The following NEMP2 variants were observed in gnomAD, a reference collection of about 807,000 sequenced individuals.
NEMP2 encodes the protein UPF0571 transmembrane protein.
A neutral mutation model predicts 54.2 loss-of-function variants in NEMP2; 53 were observed. That is an observed-to-expected ratio of 0.98 (90% CI 0.78 to 1.23). NEMP2 has a LOEUF of 1.23. Among genes scored for constraint, NEMP2 ranks in the 50% most tolerant of loss-of-function variants. The pLI is 0.00. For synonymous variants in NEMP2, 197 were observed against 190.3 expected (o/e 1.04, Z -0.29); for missense variants, 455 against 511.3 (o/e 0.89, Z 1.06).
chr2:190,589,074 G>T, the NEMP2 span, among the ~76,000 whole-genome samples: 2 of 152,114 alleles, frequency 1.3e-5, no homozygotes, highest in Non-Finnish European at 2.9e-5. This position sits in a 1 kb window ranked among gnomAD's most constrained non-coding sequence, Gnocchi z 4.3. Flanking sequence ...TGCATTGGAA[G>T]CTATCCTGCA....
chr2:190,445,222 A>G, the NEMP2 span, among the ~76,000 whole-genome samples: 3 of 152,148 alleles, frequency 2.0e-5, no homozygotes, highest in Non-Finnish European at 4.4e-5. Context: ...AATTGATGCA[A>G]AGCACTCAGA....
chr2:190,503,034 C>A (rs149260777), downstream of NEMP2, among the ~76,000 whole-genome samples: 135 of 152,314 alleles, frequency 8.9e-4, no homozygotes, highest in African/African-American at 3.2e-3. The surrounding 1 kb of genome is among the most constrained non-coding windows in gnomAD (Gnocchi z 6.3). Flanking sequence ...GCAGAGGAAG[C>A]CATAAAGCAG....
the NEMP2 span, among the ~76,000 whole-genome samples, chr2:190,489,421 CT>C: frequency 6.6e-6 from 1 of 152,306 alleles, no homozygotes; most frequent in Middle Eastern, 3.4e-3. The surrounding 1 kb of genome is among the most constrained non-coding windows in gnomAD (Gnocchi z 6.6). Flanking sequence ...GCTGTTCCAA[CT>C]ACAGATTAAT....
the NEMP2 span, among the ~76,000 whole-genome samples, chr2:190,551,031 ATCT>A: frequency 6.7e-6 from 1 of 149,378 alleles, no homozygotes; most frequent in African/African-American, 2.4e-5. Flanking sequence ...TGGTAATCTA[ATCT>A]TCTTACCCTT....
At chr2:190,439,764 A>G in the NEMP2 span, among the ~76,000 whole-genome samples, 40 of 152,252 alleles carry the variant, frequency 2.6e-4, no homozygotes, top group Non-Finnish European at 4.7e-4. The surrounding 1 kb of genome is among the most constrained non-coding windows in gnomAD (Gnocchi z 5.8). Flanking sequence ...GAATTCCATC[A>G]GTATGTGGTC....
chr2:190,596,381 C>A, the NEMP2 span, among the ~76,000 whole-genome samples: 3 of 152,256 alleles, frequency 2.0e-5, no homozygotes, highest in African/African-American at 4.8e-5. This position sits in a 1 kb window ranked among gnomAD's most constrained non-coding sequence, Gnocchi z 5.1. Context: ...ACATGCATCC[C>A]AGAACTTAAA....
the NEMP2 span, among the ~76,000 whole-genome samples, chr2:190,478,441 T>C: frequency 6.6e-6 from 1 of 152,222 alleles, no homozygotes; most frequent in African/African-American, 2.4e-5. Flanking sequence ...AAACAGTAGA[T>C]TATTCATGTG....
the NEMP2 span, among the ~76,000 whole-genome samples, chr2:190,623,596 GA>G: frequency 2.0e-5 from 3 of 152,148 alleles, no homozygotes; most frequent in East Asian, 5.8e-4. Flanking sequence ...ATGGTGGTGG[GA>G]AAACTGAATA....
chr2:190,477,432 C>CT, the NEMP2 span: 1 of 882,122 alleles, frequency 1.1e-6, no homozygotes, highest in African/African-American at 1.8e-5. Flanking sequence ...ATGCATATAA[C>CT]TTTTTTATCC....
At position 190,509,430 on chromosome 2, in the gene NEMP2, G is replaced by T; in HGVS notation, c.1131-118C>A. 1 of 1,181,312 alleles carries T rather than the reference G, an allele frequency of 8.5e-7. No homozygotes were observed. Among genetic ancestry groups the T allele is most frequent in the Non-Finnish European group, 1.2e-6 (1 of 833,936 alleles). The allele number at this position is 1,181,312 out of a possible 1,614,324, so 73.2% of individuals were successfully genotyped here. A position where few individuals can be genotyped will look rare whatever the true frequency, so the allele number is the denominator to read the frequency against. On this transcript the variant is annotated intron_variant, in intron 8 of 8. Transcript: ENST00000409150. The surrounding 1 kb of genome is among the most constrained non-coding windows in gnomAD (Gnocchi z 6.1). ...TTAAATTTGACTTTGCATCAATACA[G>T]GGTGGCATTTACACAGTGGGTGTAA...
chr2:190,580,428 G>C, the NEMP2 span, among the ~76,000 whole-genome samples: 1 of 152,156 alleles, frequency 6.6e-6, no homozygotes, highest in African/African-American at 2.4e-5. The surrounding 1 kb of genome is among the most constrained non-coding windows in gnomAD (Gnocchi z 5.3). Context: ...GGACTTCTTG[G>C]AAATTCCAGG....
chr2:190,549,571 C>G, the NEMP2 span, among the ~76,000 whole-genome samples: 1 of 152,096 alleles, frequency 6.6e-6, no homozygotes, highest in African/African-American at 2.4e-5. Context: ...ATAATATTAT[C>G]ATGAACTCAT....
Position 190,519,048 on chromosome 2 carries a change from T to C in NEMP2, c.349A>G (p.Ile117Val). The C allele has an allele frequency of 6.4e-7, 1 of 1,551,360 alleles. No individual in the cohort carries two copies. ...NFWIPKESNE[I>V]TIIINPYRET... is the part of the protein sequence containing the mutation. Reference sequence around the variant, plus strand: ...CTGTATGGATTGATGATTATGGTTATTTCGTTAGATTCCTTTGGTATCCAA... The same window carrying C: ...CTGTATGGATTGATGATTATGGTTACTTCGTTAGATTCCTTTGGTATCCAA... The change falls in exon 3 of 9, where the codon ATA becomes GTA. Residue 117 changes from isoleucine to valine, a missense_variant. Ile to Val is a conservative substitution (Grantham distance 29). Transcript: ENST00000409150. This position sits in a 1 kb window ranked among gnomAD's most constrained non-coding sequence, Gnocchi z 5.4.
At position 190,509,615 on chromosome 2, in the gene NEMP2, T is replaced by C. The variant is rs926830374; in HGVS notation, c.1131-303A>G. ...TTTATTAGTTTGAATTTATTATTATTCATTATTTTGTTTCAAATACTTCCC... is the reference window on the plus strand; with the variant it reads ...TTTATTAGTTTGAATTTATTATTATCCATTATTTTGTTTCAAATACTTCCC... On this transcript the variant is annotated intron_variant, in intron 8 of 8. Transcript: ENST00000409150. This position sits in a 1 kb window ranked among gnomAD's most constrained non-coding sequence, Gnocchi z 6.1. Among the ~76,000 whole-genome samples the C allele has an allele frequency of 2.0e-5, 3 of 152,262 alleles. No homozygotes were observed. Among genetic ancestry groups the C allele is most frequent in the African/African-American group, 7.2e-5 (3 of 41,464 alleles).
chr2:190,593,352 G>C, the NEMP2 span, among the ~76,000 whole-genome samples: 1 of 152,194 alleles, frequency 6.6e-6, no homozygotes, highest in African/African-American at 2.4e-5. This position sits in a 1 kb window ranked among gnomAD's most constrained non-coding sequence, Gnocchi z 4.5. Flanking sequence ...GTGAGCAATG[G>C]AGGCCAGCCA....
the NEMP2 span, among the ~76,000 whole-genome samples, chr2:190,573,562 T>TGGTACTA: frequency 6.6e-6 from 1 of 152,182 alleles, no homozygotes; most frequent in Admixed American, 6.5e-5. Flanking sequence ...TCTTTAAACC[T>TGGTACTA]GAGTCCTAGA....
At chr2:190,467,554 A>G in the NEMP2 span, among the ~76,000 whole-genome samples, 1 of 152,278 alleles carries the variant, frequency 6.6e-6, no homozygotes, top group East Asian at 1.9e-4. The surrounding 1 kb of genome is among the most constrained non-coding windows in gnomAD (Gnocchi z 5.5). Context: ...CGGAGGTTTC[A>G]GTGAGCCGAG....
At chr2:190,554,393 T>G in the NEMP2 span, among the ~76,000 whole-genome samples, 1 of 152,156 alleles carries the variant, frequency 6.6e-6, no homozygotes, top group South Asian at 2.1e-4. The surrounding 1 kb of genome is among the most constrained non-coding windows in gnomAD (Gnocchi z 5.7). Flanking sequence ...CCTAGCAAGC[T>G]AAGATCCACT....
At position 190,510,090 on chromosome 2, in the gene NEMP2, G is replaced by A. The variant is rs1400503860; in HGVS notation, c.1130+271C>T. 6.6e-6 allele frequency among the ~76,000 whole-genome samples: 1 copy of A among 152,132 alleles called. No individual in the cohort carries two copies. The highest frequency in any genetic ancestry group is 2.4e-5 in the African/African-American group (1 of 41,442). On this transcript the variant is annotated intron_variant, in intron 8 of 8. Coordinates refer to ENST00000409150, the MANE Select transcript of NEMP2 (RefSeq NM_001142645.2). This position sits in a 1 kb window ranked among gnomAD's most constrained non-coding sequence, Gnocchi z 5.7. Reference sequence around the variant, plus strand: ...TTCCCCACCAATAGGGTGAGAAGCAGGTCACACATCCTATTCCACCTTCCC... The same window carrying A: ...TTCCCCACCAATAGGGTGAGAAGCAAGTCACACATCCTATTCCACCTTCCC...
Sources: allele counts gnomAD v4.1 joint callset (sites outside exome capture counted in the v4.1 genomes callset), GRCh38; gene constraint gnomAD v4.1.1; non-coding constraint Gnocchi (gnomAD v3.1); transcripts MANE v1.5; gene names NCBI Gene and HGNC (gene_info 2026-07-23, HGNC 2026-07-21).